DOK5: variants seen among roughly 807,000 people sequenced by gnomAD.
DOK5 encodes the protein downstream of tyrosine kinase 5.
In DOK5, 27 loss-of-function variants were observed where a neutral mutation model predicts 43.3. The ratio of observed to expected loss-of-function variants is 0.62; its 90% CI spans 0.46 to 0.86. The LOEUF (loss-of-function observed/expected upper bound fraction) is 0.86, where lower values mean the gene tolerates loss of function less well. Ranked by LOEUF, DOK5 falls within the 40% of genes least tolerant of loss-of-function variation. The pLI is 0.00. For missense variants in DOK5, 373 were observed against 392.9 expected, an observed-to-expected ratio of 0.95 and a Z score of 0.43; for synonymous variants, 146 against 140.1, an observed-to-expected ratio of 1.04 and a Z score of -0.30.
chr20:54,628,094 A>G (rs1978380987), intron 6 of DOK5, among the ~76,000 whole-genome samples: 1 of 152,208 alleles, frequency 6.6e-6, no homozygotes, highest in African/African-American at 2.4e-5. Flanking sequence ...TTGTTTCATC[A>G]CATCGGCGCT....
intron 5 of DOK5, among the ~76,000 whole-genome samples, chr20:54,609,437 T>A (rs1986572187): frequency 6.6e-6 from 1 of 152,098 alleles, no homozygotes; most frequent in African/African-American, 2.4e-5. Context: ...CATATGATTT[T>A]GTCCAAGTTC....
intron 6 of DOK5, among the ~76,000 whole-genome samples, chr20:54,626,920 C>T (rs1315706492): frequency 1.3e-5 from 2 of 152,212 alleles, no homozygotes; most frequent in Non-Finnish European, 2.9e-5. Flanking sequence ...AACACAGCTA[C>T]ATCCTCCCTG....
At chr20:54,500,723 G>A (rs182410490) in intron 1 of DOK5, among the ~76,000 whole-genome samples, 102 of 151,858 alleles carry the variant, frequency 6.7e-4, no homozygotes, top group African/African-American at 2.2e-3. Flanking sequence ...CACCATGCCC[G>A]GCTAATTTTG....
At chr20:54,547,887 C>G (rs1422527993) in intron 1 of DOK5, among the ~76,000 whole-genome samples, 1 of 152,188 alleles carries the variant, frequency 6.6e-6, no homozygotes, top group East Asian at 1.9e-4. Context: ...TTCACAAAGA[C>G]ACATATTTTT....
At position 54,643,549 on chromosome 20, in the gene DOK5, A is replaced by G. The variant is rs1455061374; in HGVS notation, c.827A>G (p.His276Arg). The change falls in exon 7 of 8, where the codon CAC (histidine) becomes CGC (arginine). Residue 276 changes from histidine (H) to arginine (R), a missense_variant. Transcript: ENST00000262593. ...TACTGGCAGCACATCACACGGCAGC[A>G]CAGCACGGGACAGCTCTACCGCTTG... is the stretch of plus-strand genomic sequence containing the variant. ...SAYWQHITRQ[H>R]STGQLYRLQD... The G allele has an allele frequency of 6.2e-7, 1 of 1,613,244 alleles. No individual in the cohort carries two copies. The highest frequency in any genetic ancestry group is 2.2e-5 in the East Asian group (1 of 44,876).
At chr20:54,518,280 C>G (rs1983270485) in intron 1 of DOK5, among the ~76,000 whole-genome samples, 1 of 152,068 alleles carries the variant, frequency 6.6e-6, no homozygotes, top group Non-Finnish European at 1.5e-5. Flanking sequence ...CCCCTTCCCC[C>G]CACCCCACAA....
intron 1 of DOK5, among the ~76,000 whole-genome samples, chr20:54,491,056 A>G (rs1982153855): frequency 6.6e-6 from 1 of 152,266 alleles, no homozygotes; most frequent in East Asian, 1.9e-4. Flanking sequence ...TGCCCAGGGA[A>G]CTGTTTGACC....
Position 54,481,051 on chromosome 20 carries a change from GTCTATCATC to G in DOK5, c.66+5041_66+5049del, listed in dbSNP as rs1981679228. Among the ~76,000 whole-genome samples, 97 of 111,080 alleles carry G rather than the reference GTCTATCATC, an allele frequency of 8.7e-4. 1 individual carries two copies. The highest frequency in any genetic ancestry group is 3.6e-3 in the African/African-American group (76 of 21,024). The allele number at this position is 111,080 out of a possible 152,430, so 72.9% of individuals were successfully genotyped here. A position where few individuals can be genotyped will look rare whatever the true frequency, so the allele number is the denominator to read the frequency against. On this transcript the variant is annotated intron_variant, in intron 1 of 7. Transcript: ENST00000262593. ...TCTATCTATCATCTATCTATCATCTGTCTATCATCTATCTATCATCTATCTATCTATCAT... is the reference window on the plus strand; with the variant it reads ...TCTATCTATCATCTATCTATCATCTGTATCTATCATCTATCTATCTATCAT...
At chr20:54,521,139 A>G (rs773157194) in intron 1 of DOK5, among the ~76,000 whole-genome samples, 1 of 151,722 alleles carries the variant, frequency 6.6e-6, no homozygotes, top group Non-Finnish European at 1.5e-5. Flanking sequence ...CATGGCACTT[A>G]CCATCTGTTA....
chr20:54,543,818 A>G (rs1321798798), intron 1 of DOK5, among the ~76,000 whole-genome samples: 1 of 152,198 alleles, frequency 6.6e-6, no homozygotes, highest in Non-Finnish European at 1.5e-5. Flanking sequence ...TATCATTTCT[A>G]ATGATGGAAA....
intron 4 of DOK5, among the ~76,000 whole-genome samples, chr20:54,589,538 T>C (rs577383052): frequency 6.6e-6 from 1 of 152,314 alleles, no homozygotes; most frequent in African/African-American, 2.4e-5. Context: ...AGAACAAACC[T>C]GGATGTGAGG....
chr20:54,632,871 G>A (rs911241567), intron 6 of DOK5, among the ~76,000 whole-genome samples: 6 of 152,244 alleles, frequency 3.9e-5, no homozygotes, highest in African/African-American at 1.4e-4. Context: ...GAGGTCAGGA[G>A]TTTGAGACCA....
chr20:54,596,580 G>A (rs1379099838), intron 5 of DOK5, among the ~76,000 whole-genome samples: 1 of 152,168 alleles, frequency 6.6e-6, no homozygotes, highest in Admixed American at 6.5e-5. Flanking sequence ...ACTGGCTGTG[G>A]GAACGTGGAT....
intron 6 of DOK5, among the ~76,000 whole-genome samples, chr20:54,614,735 G>A (rs747033984): frequency 6.6e-6 from 1 of 152,164 alleles, no homozygotes; most frequent in Non-Finnish European, 1.5e-5. Flanking sequence ...TAAAGCCACG[G>A]CATCCTGTTA....
chr20:54,643,314 T>A, intron 6 of DOK5, 144 bp from the exon 7 acceptor site: 1 of 1,131,808 alleles, frequency 8.8e-7, no homozygotes, highest in Non-Finnish European at 1.3e-6. Context: ...CTGGCCACCA[T>A]GCCCACCACC....
rs146376248 is a variant in DOK5 at position 54,558,619 on chromosome 20, C to T, written c.174+3579C>T. Among the ~76,000 whole-genome samples the T allele has an allele frequency of 3.5e-3, 534 of 152,020 alleles. 17 individuals carry two copies. In the East Asian group the frequency reaches 0.055, roughly 16 times the overall value. ...AATACTGGGGTTATAAGTAGCACAC[C>T]GTGACCAAATTTTAGAGTTTATTCT... On this transcript the variant is annotated intron_variant, in intron 2 of 7. Transcript: ENST00000262593.
In DOK5 at chr20:54,539,493, G is replaced by C. The variant is rs189858627; in HGVS notation, c.67-15440G>C. Among the ~76,000 whole-genome samples the C allele has an allele frequency of 7.9e-5, 12 of 152,238 alleles. No individual in the cohort carries two copies. In the East Asian group the frequency reaches 1.7e-3, roughly 22 times the overall value. The stretch of plus-strand genomic sequence containing the variant: ...GTTTCCCTTAGAAGAAACTGAGAAA[G>C]AGTAGCTACAATCTCTCTGTAGTAT... On this transcript the variant is annotated intron_variant, in intron 1 of 7. Coordinates refer to ENST00000262593, the MANE Select transcript of DOK5 (RefSeq NM_018431.5).
chr20:54,505,380 C>T (rs1000246446), intron 1 of DOK5, among the ~76,000 whole-genome samples: 7 of 152,034 alleles, frequency 4.6e-5, no homozygotes, highest in African/African-American at 1.7e-4. Flanking sequence ...CTGTGGCTCA[C>T]AAAGCCTAAG....
At chr20:54,616,826 C>G (rs1035310156) in intron 6 of DOK5, among the ~76,000 whole-genome samples, 5 of 123,290 alleles carry the variant, frequency 4.1e-5, no homozygotes, top group African/African-American at 1.6e-4. Context: ...CTCACTCTGT[C>G]GCCCAGGCTG....
Sources: gnomAD v4.1 joint callset for allele counts (sites outside exome capture counted in the v4.1 genomes callset) on GRCh38, gnomAD v4.1.1 for gene constraint, MANE v1.5 for transcripts, NCBI Gene and HGNC (gene_info 2026-07-23, HGNC 2026-07-21) for gene names.